Variants in AGMO observed in about 807,000 individuals in gnomAD.
AGMO encodes glyceryl-ether monooxygenase.
AGMO carries 75 observed loss-of-function variants against 60.2 expected under a neutral mutation model. That is an observed-to-expected ratio of 1.25 (90% CI 1.03 to 1.51). AGMO has a LOEUF of 1.51. AGMO is among the 40% of genes most tolerant of loss of function. AGMO has a pLI of 0.00. For synonymous variants in AGMO, 261 were observed against 177.1 expected, an observed-to-expected ratio of 1.47 and a Z score of -3.76; for missense variants, 763 against 525.5, an observed-to-expected ratio of 1.45 and a Z score of -4.42.
At chr7:15,485,142 C>CAA (rs34731268) in intron 3 of AGMO, among the ~76,000 whole-genome samples, 19,161 of 97,664 alleles carry the variant, frequency 0.2, 1,685 homozygotes, top group African/African-American at 0.26. Flanking sequence ...ACTAAAAATA[C>CAA]AAAAAAAAAA....
At chr7:15,386,161 A>G (rs1783902089) in intron 9 of AGMO, among the ~76,000 whole-genome samples, 1 of 147,216 alleles carries the variant, frequency 6.8e-6, no homozygotes, top group African/African-American at 2.6e-5. Context: ...AACCTGGGCA[A>G]CAGTCCCAAA....
intron 10 of AGMO, among the ~76,000 whole-genome samples, chr7:15,367,169 C>A (rs1342884472): frequency 6.6e-6 from 1 of 151,654 alleles, no homozygotes; most frequent in Non-Finnish European, 1.5e-5. Context: ...GTCTTTTGTA[C>A]TTTTCTTTAG....
intron 12 of AGMO, among the ~76,000 whole-genome samples, chr7:15,316,300 A>C (rs1212178437): frequency 6.6e-6 from 1 of 152,004 alleles, no homozygotes; most frequent in African/African-American, 2.4e-5. Context: ...CCCCACATCC[A>C]CTGCAGCTGA....
chr7:15,354,375 T>G (rs1782390976), intron 12 of AGMO, among the ~76,000 whole-genome samples: 1 of 63,766 alleles, frequency 1.6e-5, no homozygotes, highest in Admixed American at 1.4e-4. Context: ...TATAGACGTG[T>G]GTATACACGT....
At chr7:15,492,648 AG>A (rs1483880039) in intron 3 of AGMO, among the ~76,000 whole-genome samples, 5 of 152,024 alleles carry the variant, frequency 3.3e-5, no homozygotes, top group Non-Finnish European at 5.9e-5. Context: ...CTAGGTCATA[AG>A]GTCAGTGAAG....
At chr7:15,386,096 G>A (rs1446715487) in intron 9 of AGMO, among the ~76,000 whole-genome samples, 2 of 152,008 alleles carry the variant, frequency 1.3e-5, no homozygotes, top group Admixed American at 6.5e-5. Context: ...CAGAAGAACT[G>A]CTTGAACCTG....
chr7:15,529,503 T>G (rs1235933649), intron 3 of AGMO, among the ~76,000 whole-genome samples: 1 of 138,682 alleles, frequency 7.2e-6, no homozygotes. Context: ...ATTCTAGTTC[T>G]TAGACTAGAA....
At chr7:15,453,769 G>C (rs968490087) in intron 3 of AGMO, among the ~76,000 whole-genome samples, 8 of 151,958 alleles carry the variant, frequency 5.3e-5, no homozygotes, top group Non-Finnish European at 1.2e-4. Context: ...TCAGGTGAAG[G>C]GTCTGCCAAC....
At chr7:15,312,310 G>A (rs985818989) in intron 12 of AGMO, among the ~76,000 whole-genome samples, 1 of 152,002 alleles carries the variant, frequency 6.6e-6, no homozygotes, top group Non-Finnish European at 1.5e-5. Flanking sequence ...AGAAAGCCAA[G>A]CCTAAGTACA....
At chr7:15,312,059 A>G (rs897348293) in intron 12 of AGMO, among the ~76,000 whole-genome samples, 3 of 152,118 alleles carry the variant, frequency 2.0e-5, no homozygotes, top group African/African-American at 4.8e-5. Context: ...TAGATGAAAA[A>G]TGAAAAAGAG....
the AGMO span, among the ~76,000 whole-genome samples, chr7:15,156,971 T>G: frequency 1.3e-5 from 2 of 152,218 alleles, no homozygotes; most frequent in African/African-American, 4.8e-5. Context: ...TTATTGTTCC[T>G]TTTAAGTAGG....
intron 5 of AGMO, among the ~76,000 whole-genome samples, chr7:15,411,745 A>T (rs553411240): frequency 9.7e-4 from 147 of 152,222 alleles, no homozygotes; most frequent in African/African-American, 3.2e-3. Context: ...TTTAATATTC[A>T]CTAAACATGT....
intron 12 of AGMO, among the ~76,000 whole-genome samples, chr7:15,250,578 C>T (rs1008280356): frequency 6.6e-6 from 1 of 151,946 alleles, no homozygotes; most frequent in Non-Finnish European, 1.5e-5. Context: ...CACACACACA[C>T]ACACACTCTG....
chr7:15,299,865 AC>A (rs1563075528), intron 12 of AGMO, among the ~76,000 whole-genome samples: 27 of 151,196 alleles, frequency 1.8e-4, no homozygotes, highest in South Asian at 6.3e-4. Flanking sequence ...ACACACACAC[AC>A]ACACACACAC....
rs867103218 is a variant in AGMO, at chr7:15,555,348, G to C, written c.257+4793C>G. On this transcript the variant is annotated intron_variant, in intron 2 of 12. Coordinates refer to ENST00000342526, the MANE Select transcript of AGMO (RefSeq NM_001004320.2). ...ACACACACACACACATATGTAAAGAGAGTGAGAGAGAGAAATTTTTCTGGG... is the reference window on the plus strand; with the variant it reads ...ACACACACACACACATATGTAAAGACAGTGAGAGAGAGAAATTTTTCTGGG... Among the ~76,000 whole-genome samples the C allele has an allele frequency of 4.7e-5, 7 of 148,760 alleles. No individual in the cohort carries two copies. In the South Asian group the frequency reaches 1.1e-3, roughly 22 times the overall value.
the AGMO span, among the ~76,000 whole-genome samples, chr7:15,183,222 C>A: frequency 5.9e-5 from 9 of 151,988 alleles, no homozygotes; most frequent in South Asian, 1.9e-3. Context: ...TTTTCTTGCA[C>A]CATTTTGACT....
the AGMO span, among the ~76,000 whole-genome samples, chr7:15,165,445 G>A: frequency 1.3e-5 from 2 of 152,162 alleles, no homozygotes; most frequent in Non-Finnish European, 2.9e-5. Flanking sequence ...ACAACTCAGA[G>A]TTTGAGGGTA....
chr7:15,427,430 G>A (rs1482200019), intron 4 of AGMO, among the ~76,000 whole-genome samples: 3 of 152,098 alleles, frequency 2.0e-5, no homozygotes, highest in Non-Finnish European at 4.4e-5. Flanking sequence ...AGGTACATTA[G>A]TATTAATCGA....
At chr7:15,437,901 G>A in intron 3 of AGMO, among the ~76,000 whole-genome samples, 1 of 152,114 alleles carries the variant, frequency 6.6e-6, no homozygotes, top group Non-Finnish European at 1.5e-5. Flanking sequence ...GAGTCTTTAG[G>A]AGTCACTTTA....
Sources: allele counts gnomAD v4.1 joint callset (sites outside exome capture counted in the v4.1 genomes callset), GRCh38; gene constraint gnomAD v4.1.1; transcripts MANE v1.5; gene names NCBI Gene and HGNC (gene_info 2026-07-23, HGNC 2026-07-21).